The following ZMAT4 variants were observed in gnomAD, a reference collection of about 807,000 sequenced individuals.
The protein encoded by ZMAT4 is zinc finger matrin-type 4.
Under a neutral mutation model 28.7 loss-of-function variants are expected in ZMAT4, and 17 were observed. That is an observed-to-expected ratio of 0.59 (90% confidence interval 0.41 to 0.89). The LOEUF is 0.89. ZMAT4 is among the 40% of genes least tolerant of loss of function. ZMAT4 has a pLI of 0.00. For synonymous variants in ZMAT4, 117 were observed against 109.2 expected (o/e 1.07, Z -0.44); for missense variants, 240 against 283.8 (o/e 0.85, Z 1.11).
chr8:40,672,625 CT>C (rs1266387657), intron 5 of ZMAT4, among the ~76,000 whole-genome samples: 3 of 152,158 alleles, frequency 2.0e-5, no homozygotes, highest in Non-Finnish European at 2.9e-5. Context: ...AGATACAGCA[CT>C]GATAATTCAA....
At chr8:40,759,995 G>T (rs539127361) in intron 3 of ZMAT4, among the ~76,000 whole-genome samples, 3 of 152,098 alleles carry the variant, frequency 2.0e-5, no homozygotes, top group African/African-American at 7.2e-5. Context: ...GCCCACTAAC[G>T]CAGCCTGACC....
chr8:40,806,579 G>A (rs537573795), intron 2 of ZMAT4, among the ~76,000 whole-genome samples: 1 of 152,212 alleles, frequency 6.6e-6, no homozygotes, highest in Middle Eastern at 3.4e-3. Flanking sequence ...AAAAAACACA[G>A]GCAGTTCTTT....
intron 6 of ZMAT4, among the ~76,000 whole-genome samples, chr8:40,573,729 T>C (rs1477964748): frequency 6.6e-6 from 1 of 152,156 alleles, no homozygotes; most frequent in Non-Finnish European, 1.5e-5. Context: ...AAAGCTATAG[T>C]TAGGATGAGC....
intron 1 of ZMAT4, among the ~76,000 whole-genome samples, chr8:40,864,941 C>T (rs1817624650): frequency 6.6e-6 from 1 of 152,102 alleles, no homozygotes; most frequent in African/African-American, 2.4e-5. Flanking sequence ...TATTGAAATG[C>T]TTACTGAAAT....
intron 1 of ZMAT4, among the ~76,000 whole-genome samples, chr8:40,836,617 T>C (rs556473403): frequency 6.6e-6 from 1 of 152,250 alleles, no homozygotes; most frequent in South Asian, 2.1e-4. Context: ...AATCAGAAGA[T>C]CACATCTACA....
In ZMAT4 at chr8:40,593,585, T is replaced by A. The variant is rs569003331; in HGVS notation, c.578-12324A>T. Reference sequence around the variant, plus strand: ...TAGCTACATCAGCTGAAAGTCCTAATGTGTCTTCACCAACCTCCACTTTAG... The same window carrying A: ...TAGCTACATCAGCTGAAAGTCCTAAAGTGTCTTCACCAACCTCCACTTTAG... On this transcript the variant is annotated intron_variant, in intron 5 of 6. Coordinates refer to ENST00000297737, the MANE Select transcript of ZMAT4 (RefSeq NM_024645.3). Among the ~76,000 whole-genome samples, 7 of 152,330 alleles carry A rather than the reference T, an allele frequency of 4.6e-5. No homozygotes were observed. The East Asian group carries it at 1.4e-3, about 29-fold the overall frequency.
chr8:40,739,479 G>A (rs781708035), intron 3 of ZMAT4, among the ~76,000 whole-genome samples: 2 of 152,132 alleles, frequency 1.3e-5, no homozygotes, highest in African/African-American at 2.4e-5. Context: ...TGACAAGCTT[G>A]ATTCTGGAAA....
At chr8:40,772,713 A>G (rs575243973) in intron 2 of ZMAT4, among the ~76,000 whole-genome samples, 22 of 152,318 alleles carry the variant, frequency 1.4e-4, no homozygotes, top group African/African-American at 4.6e-4. Context: ...TAAGTCTTCC[A>G]CCATCTTATT....
intron 5 of ZMAT4, among the ~76,000 whole-genome samples, chr8:40,646,864 C>A (rs1563384734): frequency 6.6e-6 from 1 of 152,200 alleles, no homozygotes; most frequent in Admixed American, 6.5e-5. Flanking sequence ...TTAGAGACAT[C>A]TGTAGAACAC....
At chr8:40,881,932 G>T (rs1313303447) in intron 1 of ZMAT4, among the ~76,000 whole-genome samples, 2 of 152,094 alleles carry the variant, frequency 1.3e-5, no homozygotes, top group Non-Finnish European at 2.9e-5. Flanking sequence ...CCCATGTAGC[G>T]CGCAGAATCA....
At position 40,799,221 on chromosome 8, in the gene ZMAT4, G is replaced by T. The variant is rs1312381753; in HGVS notation, c.102+26354C>A. On this transcript the variant is annotated intron_variant, in intron 2 of 6. Transcript: ENST00000297737. ...AGGATAGATGGGTGGATGGATGGAT[G>T]GATGGATAGATAGATGGATGGATGG... Among the ~76,000 whole-genome samples, 3 of 138,724 alleles carry T rather than the reference G, an allele frequency of 2.2e-5. No homozygotes were observed. In the East Asian group the frequency reaches 6.7e-4, roughly 31 times the overall value. The allele number at this position is 138,724 out of a possible 152,430, so 91.0% of individuals were successfully genotyped here. A position where few individuals can be genotyped will look rare whatever the true frequency, so the allele number is the denominator to read the frequency against.
chr8:40,795,655 C>G (rs896237207), intron 2 of ZMAT4, among the ~76,000 whole-genome samples: 4 of 152,202 alleles, frequency 2.6e-5, no homozygotes, highest in Admixed American at 2.0e-4. Flanking sequence ...GACTCAGGAA[C>G]TCAGGATATA....
intron 1 of ZMAT4, among the ~76,000 whole-genome samples, chr8:40,870,272 C>T (rs1248340514): frequency 6.6e-6 from 1 of 152,196 alleles, no homozygotes; most frequent in Non-Finnish European, 1.5e-5. Flanking sequence ...GTGGCCTCCC[C>T]TGGAGGCTCT....
chr8:40,887,505 A>T (rs1818500777), intron 1 of ZMAT4, among the ~76,000 whole-genome samples: 1 of 151,128 alleles, frequency 6.6e-6, no homozygotes, highest in Non-Finnish European at 1.5e-5. Context: ...AAAAAAAAAA[A>T]GTATGTTTTC....
chr8:40,687,949 G>T (rs34889762), intron 4 of ZMAT4, among the ~76,000 whole-genome samples: 20 of 152,298 alleles, frequency 1.3e-4, no homozygotes, highest in Non-Finnish European at 2.4e-4. Context: ...TGGCAAGAGA[G>T]CAGCAATCCT....
In ZMAT4 at chr8:40,617,831, C is replaced by G. The variant is rs536465788; in HGVS notation, c.578-36570G>C. ...AATAAACTGTGCCCACAGAAACAAA[C>G]GGTTTACTGAATATGCTCTCTGCTG... On this transcript the variant is annotated intron_variant, in intron 5 of 6. Coordinates refer to ENST00000297737, the MANE Select transcript of ZMAT4 (RefSeq NM_024645.3). Among the ~76,000 whole-genome samples, 15 of 152,286 alleles carry G rather than the reference C, an allele frequency of 9.8e-5. No individual in the cohort carries two copies. In the South Asian group the frequency reaches 3.1e-3, roughly 32 times the overall value.
chr8:40,663,300 G>A (rs1008995083), intron 5 of ZMAT4, among the ~76,000 whole-genome samples: 5 of 151,980 alleles, frequency 3.3e-5, no homozygotes, highest in African/African-American at 1.2e-4. Context: ...TTTTTTCTGT[G>A]TTCTCCATTC....
At chr8:40,859,664 T>A (rs750713601) in intron 1 of ZMAT4, among the ~76,000 whole-genome samples, 1 of 152,174 alleles carries the variant, frequency 6.6e-6, no homozygotes, top group Non-Finnish European at 1.5e-5. Context: ...AAGCAAATGC[T>A]GTGTGTGCAC....
At chr8:40,818,003 T>G (rs1815611617) in intron 2 of ZMAT4, among the ~76,000 whole-genome samples, 1 of 152,196 alleles carries the variant, frequency 6.6e-6, no homozygotes. Context: ...CTAAGTGACA[T>G]CAACGGCTGT....
Sources: gnomAD v4.1 joint callset for allele counts (sites outside exome capture counted in the v4.1 genomes callset) on GRCh38, gnomAD v4.1.1 for gene constraint, MANE v1.5 for transcripts, NCBI Gene and HGNC (gene_info 2026-07-23, HGNC 2026-07-21) for gene names.